The following FRMD4A variants were observed in gnomAD, a reference collection of about 807,000 sequenced individuals.
FRMD4A encodes the protein FERM domain containing 4A.
A neutral mutation model predicts 129.1 loss-of-function variants in FRMD4A; 29 were observed. The ratio of observed to expected loss-of-function variants is 0.22; its 90% CI spans 0.17 to 0.31. The LOEUF is 0.31. FRMD4A is among the 10% of genes least tolerant of loss of function. The pLI is 1.00. For missense variants in FRMD4A, 1,272 were observed against 1,375.8 expected (o/e 0.92, Z 1.19); for synonymous variants, 634 against 571.6 (o/e 1.11, Z -1.56).
rs1554754923 is a variant in FRMD4A at position 14,089,634 on chromosome 10, A to AAC, written c.46-230723_46-230722insGT. On this transcript the variant is annotated intron_variant, in intron 2 of 24. Transcript: ENST00000357447. ...CTTTTCAAGCAAAAAAAAAAACAAA[A>AAC]AAAAACAAACAAAAAAAAAACAGAA... 1.4e-4 allele frequency among the ~76,000 whole-genome samples: 20 copies of AAC among 143,404 alleles called. No homozygotes were observed. In the South Asian group the frequency reaches 2.0e-3, roughly 14 times the overall value. 94.1% of individuals were successfully genotyped at this position (143,404 alleles called of 152,430 possible). A position where few individuals can be genotyped will look rare whatever the true frequency, so the allele number is the denominator to read the frequency against.
intron 2 of FRMD4A, among the ~76,000 whole-genome samples, chr10:13,895,592 G>A (rs1231605419): frequency 1.3e-5 from 2 of 152,134 alleles, no homozygotes; most frequent in Admixed American, 1.3e-4. Flanking sequence ...AGCTGTATTC[G>A]AAGAATTTGA....
At chr10:13,829,175 G>T (rs12765162) in intron 3 of FRMD4A, among the ~76,000 whole-genome samples, 84,558 of 152,030 alleles carry the variant, frequency 0.56, 23,701 homozygotes, top group Middle Eastern at 0.72. Context: ...GGAGTGAATG[G>T]TGAGGTGGAA....
At chr10:13,909,487 A>G (rs910834305) in intron 2 of FRMD4A, among the ~76,000 whole-genome samples, 4 of 152,348 alleles carry the variant, frequency 2.6e-5, no homozygotes, top group Non-Finnish European at 1.5e-5. Flanking sequence ...TTTTGAGTCA[A>G]CAGTTGAGAC....
At chr10:14,077,261 C>G (rs184833744) in intron 2 of FRMD4A, among the ~76,000 whole-genome samples, 2 of 152,300 alleles carry the variant, frequency 1.3e-5, no homozygotes, top group Middle Eastern at 3.4e-3. Flanking sequence ...CCTCAAACTT[C>G]TGGTTCTATA....
At chr10:13,659,867 C>CAAA (rs35841565) in intron 20 of FRMD4A, among the ~76,000 whole-genome samples, 19 of 151,272 alleles carry the variant, frequency 1.3e-4, no homozygotes, top group Non-Finnish European at 2.2e-4. Context: ...CCTTCCCCCC[C>CAAA]AAAAAAAACC....
At chr10:14,023,126 C>T (rs1174572656) in intron 2 of FRMD4A, among the ~76,000 whole-genome samples, 1 of 152,006 alleles carries the variant, frequency 6.6e-6, no homozygotes, top group Non-Finnish European at 1.5e-5. Context: ...AAGTCATGAC[C>T]CTGGCCATGA....
At chr10:13,889,322 A>C (rs1287073793) in intron 2 of FRMD4A, among the ~76,000 whole-genome samples, 1 of 152,242 alleles carries the variant, frequency 6.6e-6, no homozygotes, top group Non-Finnish European at 1.5e-5. Flanking sequence ...CATATCTGCT[A>C]TTCCACAGAG....
chr10:13,845,941 A>T (rs1184346001), intron 3 of FRMD4A, among the ~76,000 whole-genome samples: 1 of 152,204 alleles, frequency 6.6e-6, no homozygotes, highest in African/African-American at 2.4e-5. Flanking sequence ...GGTCCTCTGC[A>T]TTCAGGTGGC....
Position 13,657,277 on chromosome 10 carries a change from A to G in FRMD4A, c.2312T>C (p.Leu771Pro). ...CGCCTTGGACGGCGAGTCCTCGGCC[A>G]GCGTGGAGTAGTTGGCGTTCATCTG... Reference protein sequence around the residue: ...PAQMNANYSTLAEDSPSKARQ... With the variant: ...PAQMNANYSTPAEDSPSKARQ... Residue 771 changes from leucine (L) to proline (P), a missense_variant, in exon 22 of 25, where the codon CTG becomes CCG. Physicochemically the swap from Leu to Pro is moderately conservative, Grantham distance 98. Around this residue, in one of 2 missense-constraint regions of FRMD4A, gnomAD observed 972 missense variants for 892.3 expected, o/e 1.09. Transcript: ENST00000357447. 1 of 1,605,718 alleles carries G rather than the reference A, an allele frequency of 6.2e-7. No homozygotes were observed. Among genetic ancestry groups the G allele is most frequent in the Non-Finnish European group, 8.5e-7 (1 of 1,178,280 alleles).
At chr10:13,932,279 T>C (rs2095207264) in intron 2 of FRMD4A, among the ~76,000 whole-genome samples, 1 of 152,216 alleles carries the variant, frequency 6.6e-6, no homozygotes. Context: ...AATGAGTGCT[T>C]TAATGTTAGC....
intron 4 of FRMD4A, among the ~76,000 whole-genome samples, chr10:13,800,171 G>C (rs1403004795): frequency 6.6e-6 from 1 of 152,124 alleles, no homozygotes; most frequent in African/African-American, 2.4e-5. Flanking sequence ...GACAGAGCGA[G>C]ACTCCATCTC....
intron 8 of FRMD4A, among the ~76,000 whole-genome samples, chr10:13,750,434 G>A (rs531835082): frequency 6.0e-4 from 91 of 152,318 alleles, no homozygotes; most frequent in African/African-American, 2.1e-3. Flanking sequence ...GAGAAGGTGA[G>A]AGGAGCTCCT....
At chr10:14,162,641 G>GTTTTTTTTTTTTTTTTTTTTT (rs71388160) in intron 2 of FRMD4A, among the ~76,000 whole-genome samples, 14 of 118,366 alleles carry the variant, frequency 1.2e-4, no homozygotes, top group Admixed American at 2.7e-4. Context: ...TTTTTTTTTT[G>GTTTTTTTTTTTTTTTTTTTTT]TTTTTTTTTT....
intron 2 of FRMD4A, among the ~76,000 whole-genome samples, chr10:14,277,598 C>T (rs909542738): frequency 2.6e-5 from 4 of 152,230 alleles, no homozygotes; most frequent in Admixed American, 2.6e-4. Flanking sequence ...TTAGCACTTA[C>T]TTTGTTATAG....
intron 2 of FRMD4A, among the ~76,000 whole-genome samples, chr10:14,249,884 T>C (rs1355600268): frequency 6.6e-6 from 1 of 152,174 alleles, no homozygotes; most frequent in Non-Finnish European, 1.5e-5. Context: ...TGTCAAAAAA[T>C]AGGAAAGAAA....
intron 2 of FRMD4A, among the ~76,000 whole-genome samples, chr10:13,986,174 G>A (rs1223561576): frequency 6.6e-6 from 1 of 152,124 alleles, no homozygotes; most frequent in Non-Finnish European, 1.5e-5. Context: ...TGCCCATGGG[G>A]GTCCCCTGGG....
At chr10:14,296,588 T>C (rs369492635) in intron 2 of FRMD4A, among the ~76,000 whole-genome samples, 1 of 152,206 alleles carries the variant, frequency 6.6e-6, no homozygotes, top group Non-Finnish European at 1.5e-5. Flanking sequence ...GTATCGCTGA[T>C]TCCTTAATAT....
chr10:14,082,364 C>T (rs771302731), intron 2 of FRMD4A, among the ~76,000 whole-genome samples: 1 of 152,112 alleles, frequency 6.6e-6, no homozygotes, highest in Non-Finnish European at 1.5e-5. Flanking sequence ...AGAACTACTA[C>T]CAAACTAGAT....
At chr10:14,197,932 C>G (rs1441771669) in intron 2 of FRMD4A, among the ~76,000 whole-genome samples, 2 of 152,164 alleles carry the variant, frequency 1.3e-5, no homozygotes, top group Admixed American at 1.3e-4. Context: ...TGTGTCATAC[C>G]AGCACTAACT....
Sources: allele counts gnomAD v4.1 joint callset (sites outside exome capture counted in the v4.1 genomes callset), GRCh38; gene constraint gnomAD v4.1.1; regional missense constraint gnomAD v4.1.1; transcripts MANE v1.5; gene names NCBI Gene and HGNC (gene_info 2026-07-23, HGNC 2026-07-21).